SPON1: variants seen among roughly 807,000 people sequenced by gnomAD.
The protein encoded by SPON1 is spondin-1.
Under a neutral mutation model 111.7 loss-of-function variants are expected in SPON1, and 52 were observed. That is an observed-to-expected ratio of 0.47 (90% CI 0.37 to 0.59). The LOEUF (loss-of-function observed/expected upper bound fraction) is 0.59, where lower values mean the gene tolerates loss of function less well. Ranked by LOEUF, SPON1 falls within the 20% of genes least tolerant of loss-of-function variation. SPON1 has a pLI of 0.00. For missense variants in SPON1, 957 were observed against 1,068.5 expected, an observed-to-expected ratio of 0.90 and a Z score of 1.46; for synonymous variants, 410 against 395.8, an observed-to-expected ratio of 1.04 and a Z score of -0.43.
intron 1 of SPON1, among the ~76,000 whole-genome samples, chr11:13,967,693 T>A (rs1848029244): frequency 6.6e-6 from 1 of 152,202 alleles, no homozygotes; most frequent in South Asian, 2.1e-4. Context: ...AACTATTTCC[T>A]GGATGGTGGA....
At chr11:14,255,810 G>C in intron 9 of SPON1, 23 bp downstream of exon 9, 24 of 1,609,360 alleles carry the variant, frequency 1.5e-5, no homozygotes, top group Non-Finnish European at 2.0e-5. Context: ...AACCCACTCT[G>C]GCATCGACCT....
chr11:14,143,561 C>CA lies in SPON1; in HGVS notation c.825+8006dup, dbSNP rs11343993. Among the ~76,000 whole-genome samples the CA allele has an allele frequency of 2.7e-3, 369 of 137,850 alleles. 1 individual carries two copies. The highest frequency in any genetic ancestry group is 8.3e-3 in the East Asian group (40 of 4,828). 90.4% of individuals were successfully genotyped at this position (137,850 alleles called of 152,430 possible). On this transcript the variant is annotated intron_variant, in intron 6 of 15. Transcript: ENST00000576479. ...GGGCGACAGAGTCAGACCCTGTTTCCAAAAAAAAAAAAAGGGCAGGGGAAA... is the reference window on the plus strand; with the variant it reads ...GGGCGACAGAGTCAGACCCTGTTTCCAAAAAAAAAAAAAAGGGCAGGGGAAA...
intron 5 of SPON1, among the ~76,000 whole-genome samples, chr11:14,113,431 T>C (rs1331974673): frequency 4.6e-5 from 7 of 152,316 alleles, no homozygotes; most frequent in East Asian, 1.9e-4. Flanking sequence ...AGCCTGCTTT[T>C]GTGTTCTTAA....
intron 1 of SPON1, among the ~76,000 whole-genome samples, chr11:13,972,260 C>T (rs1192170686): frequency 2.0e-5 from 3 of 152,160 alleles, no homozygotes; most frequent in Admixed American, 1.3e-4. Context: ...GCAGCTGTGC[C>T]GTAGTCTGGA....
chr11:14,001,032 A>G (rs1202319339), intron 2 of SPON1, among the ~76,000 whole-genome samples: 2 of 152,180 alleles, frequency 1.3e-5, no homozygotes, highest in African/African-American at 4.8e-5. Context: ...AAAAAAGCTG[A>G]AAAACTGAAA....
chr11:14,017,068 T>C (rs1251035872), intron 2 of SPON1, among the ~76,000 whole-genome samples: 3 of 152,208 alleles, frequency 2.0e-5, no homozygotes, highest in Non-Finnish European at 4.4e-5. Context: ...CCCATTTTCA[T>C]TGGCAATGAC....
chr11:13,977,324 C>T (rs1453039521), intron 1 of SPON1, among the ~76,000 whole-genome samples: 1 of 152,158 alleles, frequency 6.6e-6, no homozygotes. Context: ...TGTGAAAGTT[C>T]TAGTTAACAT....
intron 7 of SPON1, among the ~76,000 whole-genome samples, chr11:14,252,679 C>G (rs1028805926): frequency 6.7e-6 from 1 of 150,258 alleles, no homozygotes; most frequent in Admixed American, 6.6e-5. Context: ...TATGTACTTG[C>G]CTCAGCTGAA....
At chr11:13,970,816 C>T (rs1848057589) in intron 1 of SPON1, among the ~76,000 whole-genome samples, 1 of 152,132 alleles carries the variant, frequency 6.6e-6, no homozygotes, top group Non-Finnish European at 1.5e-5. Context: ...GTCACTTTCG[C>T]CTGATTTTGT....
chr11:14,210,588 T>A (rs1554936619), intron 6 of SPON1, among the ~76,000 whole-genome samples: 1 of 151,918 alleles, frequency 6.6e-6, no homozygotes, highest in African/African-American at 2.4e-5. Context: ...TTAGTAGAGA[T>A]GAGGTTTCAC....
intron 5 of SPON1, among the ~76,000 whole-genome samples, chr11:14,114,772 A>G (rs1391604885): frequency 2.6e-5 from 4 of 152,166 alleles, no homozygotes; most frequent in African/African-American, 7.2e-5. Context: ...CTGCACTGTA[A>G]TTGCCTGTCC....
chr11:14,063,255 C>T (rs901056956), intron 3 of SPON1, among the ~76,000 whole-genome samples: 3 of 152,124 alleles, frequency 2.0e-5, no homozygotes, highest in Admixed American at 6.5e-5. Context: ...GAATGATTCC[C>T]AAGTCTCCCA....
At position 14,135,508 on chromosome 11, in the gene SPON1, C is replaced by T. The variant is rs782780710; in HGVS notation, c.765C>T (p.Gly255=). 23 of 1,613,680 alleles carry T rather than the reference C, an allele frequency of 1.4e-5. No homozygotes were observed. The highest frequency in any genetic ancestry group is 4.5e-5 in the East Asian group (2 of 44,882). The part of the protein sequence containing the change: ...LWEYGGYASE[G]VKQVAELGSP... The stretch of plus-strand genomic sequence containing the variant: ...AATATGGAGGATATGCCAGCGAAGG[C>T]GTCAAACAAGTTGCAGAATTGGGCT... The change falls in exon 6 of 16, where the codon GGC becomes GGT. Residue 255 remains glycine, a synonymous_variant. Coordinates refer to ENST00000576479, the MANE Select transcript of SPON1 (RefSeq NM_006108.4). This position sits in a 1 kb window ranked among gnomAD's most constrained non-coding sequence, Gnocchi z 4.4.
At chr11:14,158,402 C>T (rs1466230113) in intron 6 of SPON1, among the ~76,000 whole-genome samples, 1 of 152,186 alleles carries the variant, frequency 6.6e-6, no homozygotes, top group Non-Finnish European at 1.5e-5. Context: ...ACTTCCTTCA[C>T]CATGACTCTT....
rs150847446 is a variant in SPON1 at position 14,226,397 on chromosome 11, T to C, written c.826-16935T>C. Among the ~76,000 whole-genome samples, 747 of 152,192 alleles carry C rather than the reference T, an allele frequency of 4.9e-3. 9 individuals are homozygous for C. The highest frequency in any genetic ancestry group is 0.032 in the South Asian group (153 of 4,808). Reference sequence around the variant, plus strand: ...GGATGTGAAAACACAAAATACAATATCCAAAAAATGCTGGCAACACAGTAC... The same window carrying C: ...GGATGTGAAAACACAAAATACAATACCCAAAAAATGCTGGCAACACAGTAC... On this transcript the variant is annotated intron_variant, in intron 6 of 15. Coordinates refer to ENST00000576479, the MANE Select transcript of SPON1 (RefSeq NM_006108.4).
intron 3 of SPON1, among the ~76,000 whole-genome samples, chr11:14,052,158 G>A (rs2697819): frequency 0.043 from 6,556 of 152,254 alleles, 480 homozygotes; most frequent in African/African-American, 0.15. Flanking sequence ...TTCCCCAAGT[G>A]AGGAAACTAA....
At chr11:14,048,697 T>C (rs1375807306) in intron 3 of SPON1, among the ~76,000 whole-genome samples, 3 of 152,134 alleles carry the variant, frequency 2.0e-5, no homozygotes, top group Non-Finnish European at 2.9e-5. Context: ...CAAACCATCA[T>C]AGACAAGTAG....
intron 5 of SPON1, among the ~76,000 whole-genome samples, chr11:14,081,567 C>T (rs979520501): frequency 3.3e-5 from 5 of 151,850 alleles, no homozygotes; most frequent in South Asian, 4.2e-4. Flanking sequence ...GTTTGGGTTG[C>T]GTGTTGCCCA....
chr11:14,238,962 GT>G (rs574437881), intron 6 of SPON1, among the ~76,000 whole-genome samples: 11 of 152,342 alleles, frequency 7.2e-5, no homozygotes, highest in African/African-American at 1.7e-4. Context: ...ATTCTTGAAA[GT>G]TCCTGTCTGT....
Sources: gnomAD v4.1 joint callset for allele counts (sites outside exome capture counted in the v4.1 genomes callset) on GRCh38, gnomAD v4.1.1 for gene constraint, Gnocchi (gnomAD v3.1) non-coding constraint, MANE v1.5 for transcripts, NCBI Gene and HGNC (gene_info 2026-07-23, HGNC 2026-07-21) for gene names.